The following SH3RF1 variants were observed in gnomAD, a reference collection of about 807,000 sequenced individuals.
SH3RF1 encodes SH3 domain containing ring finger 1, also known as E3 ubiquitin-protein ligase SH3RF1.
SH3RF1 carries 32 observed loss-of-function variants against 74.0 expected under a neutral mutation model. The observed-to-expected ratio is 0.43, with a 90% CI of 0.33 to 0.58. The LOEUF is 0.58. SH3RF1 is among the 20% of genes least tolerant of loss of function. The probability of loss-of-function intolerance (pLI) is 0.05; values close to 1 mark genes in which losing one functional copy is unlikely to be tolerated. For missense variants in SH3RF1, 954 were observed against 1,130.9 expected (o/e 0.84, Z 2.24); for synonymous variants, 396 against 439.6 (o/e 0.90, Z 1.24).
At chr4:169,116,145 A>T in intron 10 of SH3RF1, 124 bp downstream of exon 10, 2 of 1,392,440 alleles carry the variant, frequency 1.4e-6, no homozygotes, top group South Asian at 2.8e-5. Context: ...ACTCACACGT[A>T]GGGAGCACCT....
rs138085813 is a variant in SH3RF1, at chr4:169,169,529, G to A, written c.394-12850C>T. On this transcript the variant is annotated intron_variant, in intron 2 of 11. Coordinates refer to ENST00000284637, the MANE Select transcript of SH3RF1 (RefSeq NM_020870.4). ...GGACAATCACTTGAACCCAGGAGGC[G>A]GAGGTTGCAGTGAGCTGAGACTGCA... Among the ~76,000 whole-genome samples the A allele has an allele frequency of 3.4e-4, 52 of 152,100 alleles. 1 individual carries two copies. The East Asian group carries it at 8.5e-3, about 25-fold the overall frequency.
chr4:169,184,442 G>A (rs1486491666), intron 2 of SH3RF1, among the ~76,000 whole-genome samples: 3 of 152,158 alleles, frequency 2.0e-5, no homozygotes, highest in East Asian at 1.9e-4. Context: ...AGTCAGACCC[G>A]GGCTTGCATC....
At chr4:169,176,636 G>T (rs773148901) in intron 2 of SH3RF1, among the ~76,000 whole-genome samples, 1 of 152,060 alleles carries the variant, frequency 6.6e-6, no homozygotes, top group African/African-American at 2.4e-5. Context: ...AGTTTCCCAC[G>T]TTCAAGCGAT....
chr4:169,270,553 G>T (rs1039653207), intron 1 of SH3RF1, among the ~76,000 whole-genome samples: 1 of 152,212 alleles, frequency 6.6e-6, no homozygotes, highest in African/African-American at 2.4e-5. Flanking sequence ...CAGCTTTCTA[G>T]CCCAGCCAAG....
intron 2 of SH3RF1, among the ~76,000 whole-genome samples, chr4:169,196,834 C>G (rs1734820904): frequency 6.6e-6 from 1 of 152,066 alleles, no homozygotes; most frequent in Admixed American, 6.5e-5. Context: ...CACCTTAAAC[C>G]CTATAACTTA....
intron 2 of SH3RF1, among the ~76,000 whole-genome samples, chr4:169,168,874 T>C (rs1734284869): frequency 6.6e-6 from 1 of 152,170 alleles, no homozygotes; most frequent in South Asian, 2.1e-4. Context: ...ATAATAATGA[T>C]AGTGATGAGG....
rs761897527 is a variant in SH3RF1 at position 169,131,436 on chromosome 4, TCTCA to T, written c.1069-1284_1069-1281del. Among the ~76,000 whole-genome samples, 56 of 152,168 alleles carry T rather than the reference TCTCA, an allele frequency of 3.7e-4. 1 individual carries two copies. Among genetic ancestry groups the T allele is most frequent in the Non-Finnish European group, 8.1e-4 (55 of 68,036 alleles). On this transcript the variant is annotated intron_variant, in intron 5 of 11. Transcript: ENST00000284637. ...ATGTCACACTTCTTATTAGACAGAGTCTCACTATGTTGAGCAGGCTGGTCTTGAA... is the reference window on the plus strand; with the variant it reads ...ATGTCACACTTCTTATTAGACAGAGTCTATGTTGAGCAGGCTGGTCTTGAA...
chr4:169,201,204 T>C (rs1437583553), intron 2 of SH3RF1, among the ~76,000 whole-genome samples: 1 of 152,194 alleles, frequency 6.6e-6, no homozygotes, highest in Non-Finnish European at 1.5e-5. Flanking sequence ...CAATGAAATT[T>C]GGAATTAAAG....
intron 2 of SH3RF1, among the ~76,000 whole-genome samples, chr4:169,183,152 T>C (rs1415022344): frequency 6.6e-6 from 1 of 151,948 alleles, no homozygotes; most frequent in Non-Finnish European, 1.5e-5. Context: ...CTACAAAAAT[T>C]AGCCAGGCAT....
intron 6 of SH3RF1, among the ~76,000 whole-genome samples, chr4:169,123,997 C>G (rs567386842): frequency 1.5e-4 from 23 of 152,190 alleles, no homozygotes; most frequent in Non-Finnish European, 2.6e-4. Flanking sequence ...TGTTAGGCTT[C>G]TTTCCAGTGA....
In SH3RF1 at chr4:169,116,456, C is replaced by T. The variant is rs1237535139; in HGVS notation, c.1952G>A (p.Arg651Gln). The T allele has an allele frequency of 1.1e-5, 18 of 1,613,862 alleles. No homozygotes were observed. The highest frequency in any genetic ancestry group is 1.7e-5 in the Admixed American group (1 of 59,980). Residue 651 changes from arginine to glutamine, a missense_variant, in exon 10 of 12, where the codon CGA (arginine) becomes CAA (glutamine). Around this residue, in one of 3 missense-constraint regions of SH3RF1, gnomAD observed 854 missense variants for 962.5 expected, o/e 0.89. Transcript: ENST00000284637. ...TGCACAGGCCAGAGGGGCACTGGCTCGACTGATACTGATGGCAGCAGTGTG... is the reference window on the plus strand; with the variant it reads ...TGCACAGGCCAGAGGGGCACTGGCTTGACTGATACTGATGGCAGCAGTGTG... ...ATHTAAISIS[R>Q]ASAPLACAAA...
At chr4:169,222,375 G>C (rs1013063419) in intron 2 of SH3RF1, among the ~76,000 whole-genome samples, 5 of 152,092 alleles carry the variant, frequency 3.3e-5, no homozygotes, top group African/African-American at 1.2e-4. Flanking sequence ...TGACGCAGGA[G>C]AACTGCTTGA....
chr4:169,218,978 T>C (rs1730519000), intron 2 of SH3RF1, among the ~76,000 whole-genome samples: 1 of 152,170 alleles, frequency 6.6e-6, no homozygotes, highest in East Asian at 1.9e-4. Flanking sequence ...CTTTGCTCTC[T>C]AAAATATGCA....
At chr4:169,199,931 A>G (rs1057223532) in intron 2 of SH3RF1, among the ~76,000 whole-genome samples, 2 of 152,174 alleles carry the variant, frequency 1.3e-5, no homozygotes, top group Non-Finnish European at 2.9e-5. Context: ...TATGCTCTTT[A>G]TAAGAGGCAC....
chr4:169,156,474 T>C lies in SH3RF1; in HGVS notation c.599A>G (p.Gln200Arg), dbSNP rs374810853. 15 of 1,613,508 alleles carry C rather than the reference T, an allele frequency of 9.3e-6. No individual in the cohort carries two copies. The highest frequency in any genetic ancestry group is 2.7e-5 in the African/African-American group (2 of 74,920). The change falls in exon 3 of 12, where the codon CAG becomes CGG. Residue 200 changes from glutamine (Q) to arginine (R), a missense_variant. Physicochemically the swap from Gln to Arg is conservative, Grantham distance 43 (BLOSUM62 1). Around this residue, in one of 3 missense-constraint regions of SH3RF1, gnomAD observed 854 missense variants for 962.5 expected, o/e 0.89. Transcript: ENST00000284637. ...IIKPLPQPPPQCKALYDFEVK... is the reference protein window; with the variant it reads ...IIKPLPQPPPRCKALYDFEVK... ...TTCAAAGTCATAAAGTGCTTTGCAC[T>C]GAGGTGGGGGCTGAGGTAACGGTTT...
chr4:169,096,044 GA>G lies in SH3RF1; in HGVS notation c.*474del, dbSNP rs1476420340. ...AATATAATGGTAGCAGGGAGGAGGA[GA>G]GGGGAAAATGCATTCACTCTATGTC... On this transcript the variant is annotated 3_prime_UTR_variant, in exon 12 of 12. Transcript: ENST00000284637. The G allele has an allele frequency of 6.5e-6, 1 of 152,708 alleles. No homozygotes were observed. Among genetic ancestry groups the G allele is most frequent in the Non-Finnish European group, 1.5e-5 (1 of 68,238 alleles). The allele number at this position is 152,708 out of a possible 1,614,324, so 9.5% of individuals were successfully genotyped here. A position where few individuals can be genotyped will look rare whatever the true frequency, so the allele number is the denominator to read the frequency against.
chr4:169,109,760 A>C (rs924449825), intron 10 of SH3RF1, among the ~76,000 whole-genome samples: 6 of 152,176 alleles, frequency 3.9e-5, no homozygotes, highest in Admixed American at 3.3e-4. Context: ...CTGTAATTCT[A>C]GCACTTTGGG....
At chr4:169,175,205 C>T (rs1366451482) in intron 2 of SH3RF1, among the ~76,000 whole-genome samples, 13 of 151,654 alleles carry the variant, frequency 8.6e-5, no homozygotes, top group Non-Finnish European at 1.6e-4. Flanking sequence ...CTGACAATTT[C>T]TACTGCTACC....
At chr4:169,168,868 T>C (rs1734284793) in intron 2 of SH3RF1, among the ~76,000 whole-genome samples, 1 of 152,176 alleles carries the variant, frequency 6.6e-6, no homozygotes, top group Non-Finnish European at 1.5e-5. Flanking sequence ...ATCTCAATAA[T>C]AATGATAGTG....
Sources: gnomAD v4.1 joint callset for allele counts (sites outside exome capture counted in the v4.1 genomes callset) on GRCh38, gnomAD v4.1.1 for gene constraint, gnomAD v4.1.1 regional missense constraint, MANE v1.5 for transcripts, NCBI Gene and HGNC (gene_info 2026-07-23, HGNC 2026-07-21) for gene names.